DIP2C: variants seen among roughly 807,000 people sequenced by gnomAD.
DIP2C encodes the protein disco-interacting protein 2 homolog C.
In DIP2C, 33 loss-of-function variants were observed where a neutral mutation model predicts 192.4. That is an observed-to-expected ratio of 0.17 (90% CI 0.13 to 0.23). The LOEUF (loss-of-function observed/expected upper bound fraction) is 0.23. Among genes scored for constraint, DIP2C ranks in the 10% least tolerant of loss-of-function variants. The probability of loss-of-function intolerance (pLI) is 1.00; values close to 1 mark genes in which losing one functional copy is unlikely to be tolerated. For synonymous variants in DIP2C, 979 were observed against 864.1 expected, an observed-to-expected ratio of 1.13 and a Z score of -2.33; for missense variants, 1,537 against 2,110.1, an observed-to-expected ratio of 0.73 and a Z score of 5.32.
rs1370250600 is a variant in DIP2C, at chr10:539,553, T to C, written c.86-53023A>G. On this transcript the variant is annotated intron_variant, in intron 1 of 36. Coordinates refer to ENST00000280886, the MANE Select transcript of DIP2C (RefSeq NM_014974.3). ...TCCTGCAACCCACCCCCATGGGCAC[T>C]GTGGAATGGCTATAATAGAAAATAT... Among the ~76,000 whole-genome samples the C allele has an allele frequency of 2.6e-5, 4 of 152,330 alleles. No individual in the cohort carries two copies. The South Asian group carries it at 6.2e-4, about 24-fold the overall frequency.
At chr10:488,795 C>T (rs186011676) in intron 1 of DIP2C, among the ~76,000 whole-genome samples, 38 of 152,360 alleles carry the variant, frequency 2.5e-4, no homozygotes, top group Non-Finnish European at 4.3e-4. Context: ...TTGTAACACA[C>T]ATGCACAGTT....
At chr10:395,794 G>A (rs1963940334) in intron 10 of DIP2C, among the ~76,000 whole-genome samples, 1 of 152,168 alleles carries the variant, frequency 6.6e-6, no homozygotes, top group South Asian at 2.1e-4. Context: ...GGACAGGCAG[G>A]GGATCTTTCC....
At chr10:569,803 G>C (rs1564209380) in intron 1 of DIP2C, among the ~76,000 whole-genome samples, 1 of 152,112 alleles carries the variant, frequency 6.6e-6, no homozygotes, top group Non-Finnish European at 1.5e-5. Flanking sequence ...ATGGCCACAA[G>C]GACATGGCAA....
intron 1 of DIP2C, among the ~76,000 whole-genome samples, chr10:587,017 T>C (rs1356819751): frequency 7.1e-6 from 1 of 140,778 alleles, no homozygotes; most frequent in Non-Finnish European, 1.6e-5. Context: ...CAGTGCAGGG[T>C]CTAAGGCCGG....
chr10:406,737 A>T (rs976775501), intron 9 of DIP2C, among the ~76,000 whole-genome samples: 1 of 152,142 alleles, frequency 6.6e-6, no homozygotes, highest in African/African-American at 2.4e-5. Flanking sequence ...AAATTACTGC[A>T]TGACCCTAAA....
chr10:662,226 C>T, intron 1 of DIP2C: 3 of 662,828 alleles, frequency 4.5e-6, no homozygotes, highest in Non-Finnish European at 8.3e-6. Flanking sequence ...GCTCTCATTC[C>T]TGGGTTCCTA....
chr10:505,509 G>A (rs1222749322), intron 1 of DIP2C, among the ~76,000 whole-genome samples: 1 of 152,178 alleles, frequency 6.6e-6, no homozygotes, highest in African/African-American at 2.4e-5. Flanking sequence ...AACCTGCCCA[G>A]CTGTGATTCC....
chr10:462,955 A>C (rs1211968530), intron 3 of DIP2C, among the ~76,000 whole-genome samples: 3 of 152,246 alleles, frequency 2.0e-5, no homozygotes, highest in Admixed American at 6.5e-5. Context: ...GGCCTTTGAT[A>C]AAATTCAGCA....
rs1440959460 is a variant in DIP2C, at chr10:440,957, T to C, written c.308A>G (p.His103Arg). Residue 103 changes from histidine to arginine, a missense_variant, in exon 4 of 37, where the codon CAC becomes CGC. His to Arg is a conservative substitution (Grantham distance 29). Around this residue, in one of 4 missense-constraint regions of DIP2C, gnomAD observed 473 missense variants for 539.6 expected, o/e 0.88. Transcript: ENST00000280886. ...AGGCACTGCCATCTTCCGCTCTTTG[T>C]GTTTGGCCAGAGCCGCCTGGACAGC... is the stretch of plus-strand genomic sequence containing the variant. Reference protein sequence around the residue: ...TEAVQAALAKHKERKMAVPMP... With the variant: ...TEAVQAALAKRKERKMAVPMP... 1.9e-6 allele frequency: 3 copies of C among 1,613,784 alleles called. No homozygotes were observed. In the Admixed American group the frequency reaches 5.0e-5, roughly 27 times the overall value.
intron 1 of DIP2C, among the ~76,000 whole-genome samples, chr10:526,841 G>A (rs1318858796): frequency 2.0e-5 from 3 of 152,180 alleles, no homozygotes; most frequent in Non-Finnish European, 2.9e-5. Context: ...CTGGTGCCGT[G>A]CTCTGAGGCT....
intron 3 of DIP2C, among the ~76,000 whole-genome samples, chr10:441,682 GA>G (rs1218936008): frequency 6.6e-6 from 1 of 152,178 alleles, no homozygotes; most frequent in Non-Finnish European, 1.5e-5. Flanking sequence ...CCATGATTCT[GA>G]GGCCTCCCCA....
chr10:325,123 C>T (rs1049627428), intron 31 of DIP2C: 15 of 349,478 alleles, frequency 4.3e-5, no homozygotes, highest in Admixed American at 1.8e-4. Flanking sequence ...AAATTAGCTG[C>T]GCTTGGTGGC....
intron 1 of DIP2C, among the ~76,000 whole-genome samples, chr10:530,497 T>C (rs566311735): frequency 1.8e-4 from 28 of 151,404 alleles, no homozygotes; most frequent in Non-Finnish European, 3.8e-4. Context: ...GTGAGAGGAG[T>C]AGGGTTTTTA....
chr10:567,580 C>A (rs1048753735), intron 1 of DIP2C, among the ~76,000 whole-genome samples: 7 of 152,186 alleles, frequency 4.6e-5, no homozygotes, highest in African/African-American at 1.7e-4. Context: ...AATATTTCTG[C>A]CAAACAAACA....
chr10:390,123 G>A, intron 12 of DIP2C, 30 bp from the exon 13 acceptor site: 2 of 1,605,202 alleles, frequency 1.2e-6, no homozygotes, highest in Non-Finnish European at 1.7e-6. Flanking sequence ...GAGGGAAGTG[G>A]GGCTGACAGG....
At chr10:639,481 G>T (rs1401525399) in intron 1 of DIP2C, among the ~76,000 whole-genome samples, 1 of 150,052 alleles carries the variant, frequency 6.7e-6, no homozygotes, top group Non-Finnish European at 1.5e-5. Flanking sequence ...CACACATGGG[G>T]ATGTGTCAGG....
rs531802253 is a variant in DIP2C at position 503,893 on chromosome 10, C to T, written c.86-17363G>A. On this transcript the variant is annotated intron_variant, in intron 1 of 36. Coordinates refer to ENST00000280886, the MANE Select transcript of DIP2C (RefSeq NM_014974.3). ...GTCTAAACCCATTACTGTGACTTACCCTAAATTTACAACCATTGATTTCAA... is the reference window on the plus strand; with the variant it reads ...GTCTAAACCCATTACTGTGACTTACTCTAAATTTACAACCATTGATTTCAA... Among the ~76,000 whole-genome samples the T allele has an allele frequency of 4.6e-5, 7 of 152,276 alleles. No homozygotes were observed. In the South Asian group the frequency reaches 8.3e-4, roughly 18 times the overall value.
chr10:562,256 C>T (rs937682094), intron 1 of DIP2C, among the ~76,000 whole-genome samples: 4 of 152,170 alleles, frequency 2.6e-5, no homozygotes, highest in African/African-American at 9.7e-5. Context: ...TGTTCACCAA[C>T]ATCATCAGGA....
chr10:546,708 GCT>G (rs768184713), intron 1 of DIP2C, among the ~76,000 whole-genome samples: 5 of 152,218 alleles, frequency 3.3e-5, no homozygotes, highest in South Asian at 2.1e-4. Context: ...CACTTGAGTG[GCT>G]CTTTTACCAG....
Sources: allele counts gnomAD v4.1 joint callset (sites outside exome capture counted in the v4.1 genomes callset), GRCh38; gene constraint gnomAD v4.1.1; regional missense constraint gnomAD v4.1.1; transcripts MANE v1.5; gene names NCBI Gene and HGNC (gene_info 2026-07-23, HGNC 2026-07-21).